Variants in SND1 observed in about 807,000 individuals in gnomAD.
SND1 encodes the protein staphylococcal nuclease and tudor domain containing 1.
In SND1, 38 loss-of-function variants were observed where a neutral mutation model predicts 121.7. The ratio of observed to expected loss-of-function variants is 0.31; its 90% CI spans 0.24 to 0.41. SND1 has a LOEUF of 0.41. Ranked by LOEUF, SND1 falls within the 10% of genes least tolerant of loss-of-function variation. The pLI is 1.00. For missense variants in SND1, 868 were observed against 1,184.6 expected, an observed-to-expected ratio of 0.73 and a Z score of 3.92; for synonymous variants, 401 against 447.4, an observed-to-expected ratio of 0.90 and a Z score of 1.31.
chr7:127,793,674 G>A (rs1797957598), intron 10 of SND1, among the ~76,000 whole-genome samples: 1 of 152,172 alleles, frequency 6.6e-6, no homozygotes, highest in South Asian at 2.1e-4. Context: ...TTACATGAAG[G>A]AGGATATAAA....
intron 11 of SND1, among the ~76,000 whole-genome samples, chr7:127,816,727 G>A (rs770738190): frequency 4.7e-5 from 7 of 148,132 alleles, no homozygotes; most frequent in Middle Eastern, 3.5e-3. Context: ...GCAGTGATGC[G>A]ATCTTGGCTC....
intron 17 of SND1, 65 bp from the exon 18 acceptor site, chr7:128,081,295 C>T: frequency 2.5e-6 from 4 of 1,598,142 alleles, no homozygotes; most frequent in Non-Finnish European, 3.4e-6. Context: ...CACGCCTGGC[C>T]TCCCAGTGTC....
intron 18 of SND1, 133 bp from the exon 19 acceptor site, chr7:128,084,591 G>T: frequency 1.1e-6 from 1 of 925,388 alleles, no homozygotes; most frequent in East Asian, 3.0e-5. Flanking sequence ...GCATGGGTTG[G>T]GGACAGAGCC....
chr7:128,053,151 G>C (rs1333601613), intron 16 of SND1, among the ~76,000 whole-genome samples: 1 of 152,230 alleles, frequency 6.6e-6, no homozygotes, highest in Non-Finnish European at 1.5e-5. Context: ...GAATTGACAA[G>C]GACAAGTTTT....
chr7:127,917,469 A>G (rs1378499433), intron 14 of SND1, among the ~76,000 whole-genome samples: 2 of 152,142 alleles, frequency 1.3e-5, no homozygotes, highest in African/African-American at 2.4e-5. Context: ...TTCTCACATC[A>G]TATTAATGTG....
intron 16 of SND1, among the ~76,000 whole-genome samples, chr7:128,002,422 G>A (rs1164320163): frequency 7.2e-5 from 11 of 152,182 alleles, no homozygotes; most frequent in Admixed American, 7.2e-4. Context: ...CCACACATTA[G>A]GCAGTATTAC....
At chr7:127,738,585 G>A (rs1325457631) in intron 10 of SND1, among the ~76,000 whole-genome samples, 1 of 152,036 alleles carries the variant, frequency 6.6e-6, no homozygotes, top group East Asian at 1.9e-4. Context: ...GGCCCTGAAA[G>A]TTGTTTTTTT....
In SND1 at chr7:128,085,871, C is replaced by G; in HGVS notation, c.2304+91C>G. The G allele has an allele frequency of 9.0e-7, 1 of 1,115,478 alleles. No homozygotes were observed. Among genetic ancestry groups the G allele is most frequent in the Non-Finnish European group, 1.4e-6 (1 of 736,502 alleles). 69.1% of individuals were successfully genotyped at this position (1,115,478 alleles called of 1,614,324 possible). A position where few individuals can be genotyped will look rare whatever the true frequency, so the allele number is the denominator to read the frequency against. On this transcript the variant is annotated intron_variant, in intron 20 of 23. Coordinates refer to ENST00000354725, the MANE Select transcript of SND1 (RefSeq NM_014390.4). The surrounding 1 kb of genome is among the most constrained non-coding windows in gnomAD (Gnocchi z 4.4). ...CTGATCTCTCCAAGGTCCCTCTGAG[C>G]TTACCAATAGAACAATGAGCATTGG...
At chr7:127,795,351 C>T (rs1189854710) in intron 10 of SND1, among the ~76,000 whole-genome samples, 1 of 152,204 alleles carries the variant, frequency 6.6e-6, no homozygotes, top group Non-Finnish European at 1.5e-5. Flanking sequence ...TCAAAATATA[C>T]CAACCCCAGC....
At chr7:127,688,940 A>G (rs562827180) in intron 2 of SND1, among the ~76,000 whole-genome samples, 98 of 152,334 alleles carry the variant, frequency 6.4e-4, no homozygotes, top group African/African-American at 2.3e-3. Context: ...ATTTTATTTT[A>G]ATTAAGAAGT....
intron 10 of SND1, among the ~76,000 whole-genome samples, chr7:127,775,534 G>A (rs1313862248): frequency 1.3e-5 from 2 of 152,094 alleles, no homozygotes; most frequent in Non-Finnish European, 1.5e-5. Context: ...GAAATTGCTA[G>A]ATGGGCCAAT....
intron 15 of SND1, among the ~76,000 whole-genome samples, chr7:127,932,660 AAC>A (rs1800977470): frequency 6.6e-6 from 1 of 152,180 alleles, no homozygotes; most frequent in Non-Finnish European, 1.5e-5. Flanking sequence ...TGATGGAACA[AAC>A]CTCATTGTTT....
intron 10 of SND1, among the ~76,000 whole-genome samples, chr7:127,729,375 A>G (rs1396976460): frequency 6.7e-6 from 1 of 148,500 alleles, no homozygotes; most frequent in Non-Finnish European, 1.5e-5. Flanking sequence ...CTCTCCCTTC[A>G]TCTTTCTCTT....
chr7:127,677,626 C>G (rs1795638828), intron 1 of SND1, among the ~76,000 whole-genome samples: 1 of 152,194 alleles, frequency 6.6e-6, no homozygotes, highest in South Asian at 2.1e-4. Context: ...TCTGTCGCAA[C>G]TACTCAACTC....
intron 15 of SND1, among the ~76,000 whole-genome samples, chr7:127,931,925 CT>C (rs1800962881): frequency 6.6e-6 from 1 of 152,148 alleles, no homozygotes; most frequent in Admixed American, 6.5e-5. Flanking sequence ...CAAAATATTA[CT>C]GCTCATTCAC....
chr7:127,710,446 A>C (rs1796278166), intron 9 of SND1, among the ~76,000 whole-genome samples: 1 of 128,876 alleles, frequency 7.8e-6, no homozygotes, highest in African/African-American at 2.7e-5. Context: ...AAAGCTTACT[A>C]CAAAAAAAAA....
rs1251434673 is a variant in SND1 at position 127,853,975 on chromosome 7, A to G, written c.1343+9551A>G. ...TGTATTTATTGATAAAGGCCCTTGGAGTGCTCTTACTTCTTAGTATTTGTG... is the reference window on the plus strand; with the variant it reads ...TGTATTTATTGATAAAGGCCCTTGGGGTGCTCTTACTTCTTAGTATTTGTG... On this transcript the variant is annotated intron_variant, in intron 12 of 23. Coordinates refer to ENST00000354725, the MANE Select transcript of SND1 (RefSeq NM_014390.4). Among the ~76,000 whole-genome samples the G allele has an allele frequency of 3.9e-5, 6 of 152,084 alleles. No homozygotes were observed. In the East Asian group the frequency reaches 7.7e-4, roughly 20 times the overall value.
chr7:127,995,109 G>T (rs897336579), intron 16 of SND1, among the ~76,000 whole-genome samples: 3 of 152,204 alleles, frequency 2.0e-5, no homozygotes, highest in African/African-American at 7.2e-5. Context: ...AGGCTATATG[G>T]CTTGCAAAGC....
chr7:127,880,601 C>G (rs541828599), intron 12 of SND1, among the ~76,000 whole-genome samples: 79 of 152,114 alleles, frequency 5.2e-4, no homozygotes, highest in Non-Finnish European at 4.1e-4. Context: ...GCCTCAGAGA[C>G]TGATAAAATG....
Sources: allele counts gnomAD v4.1 joint callset (sites outside exome capture counted in the v4.1 genomes callset), GRCh38; gene constraint gnomAD v4.1.1; non-coding constraint Gnocchi (gnomAD v3.1); transcripts MANE v1.5; gene names NCBI Gene and HGNC (gene_info 2026-07-23, HGNC 2026-07-21).